Variants in POFUT2 observed in about 807,000 individuals in gnomAD.
The protein encoded by POFUT2 is protein O-fucosyltransferase 2, also known as GDP-fucose protein O-fucosyltransferase 2.
In POFUT2, 30 loss-of-function variants were observed where a neutral mutation model predicts 55.0. That is an observed-to-expected ratio of 0.55 (90% confidence interval 0.41 to 0.74). POFUT2 has a LOEUF of 0.74. POFUT2 is among the 30% of genes least tolerant of loss of function. The pLI is 0.00. For missense variants in POFUT2, 524 were observed against 562.6 expected (o/e 0.93, Z 0.69); for synonymous variants, 267 against 231.1 (o/e 1.16, Z -1.41).
intron 5 of POFUT2, 52 bp downstream of exon 5, chr21:45,278,051 A>G: frequency 7.4e-7 from 1 of 1,344,480 alleles, no homozygotes; most frequent in Non-Finnish European, 1.1e-6. Flanking sequence ...CAAAAGCTAA[A>G]TAATGGGCAA....
chr21:45,266,336 C>A, intron 8 of POFUT2: 1 of 1,348,588 alleles, frequency 7.4e-7, no homozygotes, highest in Non-Finnish European at 9.9e-7. Context: ...TATGCTGCTG[C>A]GGGGTGCAGC....
In POFUT2 at chr21:45,270,795, G is replaced by A. The variant is rs763780082; in HGVS notation, c.832-776C>T. 2.0e-5 allele frequency among the ~76,000 whole-genome samples: 3 copies of A among 152,188 alleles called. No homozygotes were observed. Among genetic ancestry groups the A allele is most frequent in the Non-Finnish European group, 2.9e-5 (2 of 68,038 alleles). On this transcript the variant is annotated intron_variant, in intron 6 of 8. Coordinates refer to ENST00000349485, the MANE Select transcript of POFUT2 (RefSeq NM_133635.6). The surrounding 1 kb of genome is among the most constrained non-coding windows in gnomAD (Gnocchi z 4.6). ...CCACTGGGTGGCTAGACCCAGAAGAGCAATAACAATCACTGCAGCCCAGCT... is the reference window on the plus strand; with the variant it reads ...CCACTGGGTGGCTAGACCCAGAAGAACAATAACAATCACTGCAGCCCAGCT...
rs141822370 is a variant in POFUT2 at position 45,278,306 on chromosome 21, G to A, written c.639-137C>T. Reference sequence around the variant, plus strand: ...CTCCGAGGGACACTAACCAGGGCGCGTTGGGTGGTTATGGCTGAGACACAG... The same window carrying A: ...CTCCGAGGGACACTAACCAGGGCGCATTGGGTGGTTATGGCTGAGACACAG... On this transcript the variant is annotated intron_variant, in intron 4 of 8. Transcript: ENST00000349485. The A allele has an allele frequency of 8.1e-5, 61 of 754,920 alleles. 1 individual carries two copies. Among genetic ancestry groups the A allele is most frequent in the South Asian group, 7.0e-4 (46 of 65,258 alleles). The allele number at this position is 754,920 out of a possible 1,614,324, so 46.8% of individuals were successfully genotyped here.
rs537848618 is a variant in POFUT2 at position 45,267,974 on chromosome 21, C to A, written c.1013-261G>T. On this transcript the variant is annotated intron_variant, in intron 7 of 8. Transcript: ENST00000349485. The surrounding 1 kb of genome is among the most constrained non-coding windows in gnomAD (Gnocchi z 4.4). ...AAGAAAGGAAAGAAACGTGCTCCCT[C>A]TCCCTCTCCTTCTCCCTCTCCCTCT... 6.6e-6 allele frequency among the ~76,000 whole-genome samples: 1 copy of A among 152,184 alleles called. No homozygotes were observed. Among genetic ancestry groups the A allele is most frequent in the South Asian group, 2.1e-4 (1 of 4,814 alleles).
Position 45,284,093 on chromosome 21 carries a change from C to T in POFUT2, c.383-566G>A, listed in dbSNP as rs1963955719. Among the ~76,000 whole-genome samples the T allele has an allele frequency of 6.6e-6, 1 of 152,072 alleles. No individual in the cohort carries two copies. Among genetic ancestry groups the T allele is most frequent in the African/African-American group, 2.4e-5 (1 of 41,396 alleles). On this transcript the variant is annotated intron_variant, in intron 2 of 8. Transcript: ENST00000349485. This position sits in a 1 kb window ranked among gnomAD's most constrained non-coding sequence, Gnocchi z 5.8. Reference sequence around the variant, plus strand: ...AAGAGGTCAGCAATTAAGATCTGCTCAAAGGCAGCAGGAATAAAGCGGGAG... The same window carrying T: ...AAGAGGTCAGCAATTAAGATCTGCTTAAAGGCAGCAGGAATAAAGCGGGAG...
chr21:45,269,818 G>A (rs376074855), intron 7 of POFUT2, 21 bp downstream of exon 7: 98 of 1,578,714 alleles, frequency 6.2e-5, no homozygotes, highest in East Asian at 2.0e-4. Context: ...GGAAAGAAAC[G>A]AAAGCATTGA....
chr21:45,280,722 TG>T (rs2030530982), intron 4 of POFUT2, among the ~76,000 whole-genome samples: 1 of 147,444 alleles, frequency 6.8e-6, no homozygotes, highest in Admixed American at 6.7e-5. Context: ...GATCCCGTCT[TG>T]GACTCGCCTC....
chr21:45,278,240 C>T (rs1602198630), intron 4 of POFUT2, 71 bp from the exon 5 acceptor site: 1 of 1,323,980 alleles, frequency 7.6e-7, no homozygotes, highest in African/African-American at 1.4e-5. Context: ...TCTCAGAGCA[C>T]AAACTGGGAG....
Position 45,284,799 on chromosome 21 carries a change from GA to G in POFUT2, c.382+878del, listed in dbSNP as rs1411894017. On this transcript the variant is annotated intron_variant, in intron 2 of 8. Coordinates refer to ENST00000349485, the MANE Select transcript of POFUT2 (RefSeq NM_133635.6). The surrounding 1 kb of genome is among the most constrained non-coding windows in gnomAD (Gnocchi z 5.8). ...CAAGCAAATTTTAAAGTCAACTCAG[GA>G]AAGGACGCACTCCAGGAATGCTTTT... 2.6e-5 allele frequency among the ~76,000 whole-genome samples: 4 copies of G among 152,184 alleles called. No individual in the cohort carries two copies. Among genetic ancestry groups the G allele is most frequent in the African/African-American group, 9.7e-5 (4 of 41,438 alleles).
intron 6 of POFUT2, among the ~76,000 whole-genome samples, chr21:45,274,079 C>T (rs897164944): frequency 6.6e-6 from 1 of 152,132 alleles, no homozygotes; most frequent in Non-Finnish European, 1.5e-5. Flanking sequence ...AAGACTCATC[C>T]AAAAAGCTCC....
rs2031239852 is a variant in POFUT2, at chr21:45,285,191, T to G, written c.382+487A>C. 1.1e-5 allele frequency: 2 copies of G among 184,068 alleles called. No homozygotes were observed. The highest frequency in any genetic ancestry group is 2.1e-4 in the South Asian group (2 of 9,470). 11.4% of individuals were successfully genotyped at this position (184,068 alleles called of 1,614,324 possible). A position where few individuals can be genotyped will look rare whatever the true frequency, so the allele number is the denominator to read the frequency against. ...GCAACACAAAAAGCTCTAAATACCTTCATTCTAAGAAGAGCTTTAATTCTT... is the reference window on the plus strand; with the variant it reads ...GCAACACAAAAAGCTCTAAATACCTGCATTCTAAGAAGAGCTTTAATTCTT... On this transcript the variant is annotated intron_variant, in intron 2 of 8. Coordinates refer to ENST00000349485, the MANE Select transcript of POFUT2 (RefSeq NM_133635.6). The surrounding 1 kb of genome is among the most constrained non-coding windows in gnomAD (Gnocchi z 4.9).
chr21:45,286,679 A>G (rs1222519201), intron 1 of POFUT2, among the ~76,000 whole-genome samples: 1 of 151,800 alleles, frequency 6.6e-6, no homozygotes, highest in African/African-American at 2.4e-5. Context: ...CAAGGCACAG[A>G]CAAGTCCCCA....
rs1462884406 is a variant in POFUT2 at position 45,281,540 on chromosome 21, G to A, written c.638+809C>T. On this transcript the variant is annotated intron_variant, in intron 4 of 8. Transcript: ENST00000349485. This position sits in a 1 kb window ranked among gnomAD's most constrained non-coding sequence, Gnocchi z 5.0. Reference sequence around the variant, plus strand: ...GTGGTCCCGGCCCGCTGGGGCCAGCGGCAGCTGTTACTGACCAGGGTGATA... The same window carrying A: ...GTGGTCCCGGCCCGCTGGGGCCAGCAGCAGCTGTTACTGACCAGGGTGATA... Among the ~76,000 whole-genome samples, 2 of 152,112 alleles carry A rather than the reference G, an allele frequency of 1.3e-5. No homozygotes were observed. The highest frequency in any genetic ancestry group is 2.9e-5 in the Non-Finnish European group (2 of 68,030).
chr21:45,273,272 A>C (rs893955705), intron 6 of POFUT2, among the ~76,000 whole-genome samples: 1 of 152,186 alleles, frequency 6.6e-6, no homozygotes, highest in African/African-American at 2.4e-5. Context: ...TTATGCGCAC[A>C]AACTGGAAAA....
In POFUT2 at chr21:45,283,359, A is replaced by AG. The variant is rs746428764; in HGVS notation, c.527+23dup. 2.1e-6 allele frequency: 3 copies of AG among 1,460,114 alleles called. No homozygotes were observed. The African/African-American group carries it at 4.8e-5, about 23-fold the overall frequency. The allele number at this position is 1,460,114 out of a possible 1,614,324, so 90.4% of individuals were successfully genotyped here. ...GGGGAGGTGGGGGGGCACCTGCGGC[A>AG]GGGGGAGCAGCCTCAGCAGGCACCT... On this transcript the variant is annotated intron_variant, in intron 3 of 8. Coordinates refer to ENST00000349485, the MANE Select transcript of POFUT2 (RefSeq NM_133635.6).
Position 45,270,710 on chromosome 21 carries a change from G to A in POFUT2, c.832-691C>T, listed in dbSNP as rs184158092. Among the ~76,000 whole-genome samples the A allele has an allele frequency of 7.0e-4, 107 of 152,336 alleles. No individual in the cohort carries two copies. The highest frequency in any genetic ancestry group is 1.7e-3 in the Admixed American group (26 of 15,304). On this transcript the variant is annotated intron_variant, in intron 6 of 8. Transcript: ENST00000349485. The surrounding 1 kb of genome is among the most constrained non-coding windows in gnomAD (Gnocchi z 4.6). ...ACCCATGGCTGGGAGACCCGAAGAC[G>A]GATCACAGCACAGGACTCTCCGCAG...
chr21:45,283,293 GGGGGGCGCCTGAGGC>G, intron 3 of POFUT2, 75 bp downstream of exon 3: 6 of 598,274 alleles, frequency 1.0e-5, no homozygotes, highest in Non-Finnish European at 1.6e-5. Flanking sequence ...AGGAGTGGGC[GGGGGGCGCCTGAGGC>G]GGGGGGGGGG....
chr21:45,286,697 G>A (rs2031446039), intron 1 of POFUT2, among the ~76,000 whole-genome samples: 1 of 151,724 alleles, frequency 6.6e-6, no homozygotes, highest in South Asian at 2.1e-4. Flanking sequence ...CCAAGGCACA[G>A]ACAAGTCCCC....
Position 45,267,050 on chromosome 21 carries a change from A to G in POFUT2, c.1136+540T>C. On this transcript the variant is annotated intron_variant, in intron 8 of 8. Coordinates refer to ENST00000349485, the MANE Select transcript of POFUT2 (RefSeq NM_133635.6). The surrounding 1 kb of genome is among the most constrained non-coding windows in gnomAD (Gnocchi z 4.4). ...TCACGGCAGCCCCACGAGAATGATC[A>G]CACGAGGGCCCACGCTCCCGGCCTC... is the stretch of plus-strand genomic sequence containing the variant. 4 of 1,069,244 alleles carry G rather than the reference A, an allele frequency of 3.7e-6. No individual in the cohort carries two copies. The highest frequency in any genetic ancestry group is 4.5e-6 in the Non-Finnish European group (4 of 882,380). 66.2% of individuals were successfully genotyped at this position (1,069,244 alleles called of 1,614,324 possible).
Sources: gnomAD v4.1 joint callset for allele counts (sites outside exome capture counted in the v4.1 genomes callset) on GRCh38, gnomAD v4.1.1 for gene constraint, Gnocchi (gnomAD v3.1) non-coding constraint, MANE v1.5 for transcripts, NCBI Gene and HGNC (gene_info 2026-07-23, HGNC 2026-07-21) for gene names.